The following RSF1 variants were observed in gnomAD, a reference collection of about 807,000 sequenced individuals.
The protein encoded by RSF1 is HBV pX-associated protein 8.
In RSF1, 13 loss-of-function variants were observed where a neutral mutation model predicts 145.2. The observed-to-expected ratio is 0.09, with a 90% CI of 0.06 to 0.14. The LOEUF is 0.14. RSF1 is among the 10% of genes least tolerant of loss of function. The pLI is 1.00. For synonymous variants in RSF1, 577 were observed against 592.6 expected, an observed-to-expected ratio of 0.97 and a Z score of 0.38; for missense variants, 1,517 against 1,718.2, an observed-to-expected ratio of 0.88 and a Z score of 2.07.
intron 1 of RSF1, among the ~76,000 whole-genome samples, chr11:77,796,169 C>A (rs1434324685): frequency 1.3e-5 from 2 of 152,070 alleles, no homozygotes; most frequent in African/African-American, 2.4e-5. Flanking sequence ...ATGAGGCCAG[C>A]ACCACCCTGA....
the RSF1 span, chr11:77,869,820 A>C: frequency 6.2e-7 from 1 of 1,613,216 alleles, no homozygotes; most frequent in African/African-American, 1.3e-5. Context: ...CCTTGAAGGT[A>C]GGTGTTGGTA....
At chr11:77,868,760 TC>T in the RSF1 span, 1 of 233,630 alleles carries the variant, frequency 4.3e-6, no homozygotes, top group Admixed American at 4.2e-5. Flanking sequence ...TCAGGCTCCT[TC>T]CCACTGGTTC....
chr11:77,842,765 C>T, the RSF1 span: 2 of 1,229,524 alleles, frequency 1.6e-6, no homozygotes, highest in Admixed American at 2.8e-5. Context: ...TAAATTCACC[C>T]TTTTAAAGTA....
intron 4 of RSF1, among the ~76,000 whole-genome samples, chr11:77,731,219 T>C (rs188978073): frequency 6.5e-4 from 99 of 152,278 alleles, no homozygotes; most frequent in Admixed American, 9.2e-4. Context: ...TGAGTTTTGT[T>C]ACGTTTTAGC....
At chr11:77,716,649 C>T (rs1252729970) in intron 5 of RSF1, among the ~76,000 whole-genome samples, 2 of 151,892 alleles carry the variant, frequency 1.3e-5, no homozygotes, top group Non-Finnish European at 2.9e-5. Flanking sequence ...TAAAAACTTT[C>T]AGTTACGAAG....
intron 5 of RSF1, among the ~76,000 whole-genome samples, chr11:77,706,512 A>G (rs1223022841): frequency 6.6e-6 from 1 of 152,062 alleles, no homozygotes; most frequent in South Asian, 2.1e-4. Context: ...GCTATTATTA[A>G]TTATTTGGCC....
intron 6 of RSF1, 102 bp from the exon 7 acceptor site, chr11:77,698,795 CA>C (rs1337275976): frequency 4.3e-6 from 4 of 938,844 alleles, no homozygotes; most frequent in Admixed American, 2.3e-5. Flanking sequence ...GCCAATATAC[CA>C]AAAAAAGAGG....
intron 10 of RSF1, 126 bp from the exon 11 acceptor site, chr11:77,683,945 C>T (rs1959936164): frequency 3.2e-6 from 2 of 632,208 alleles, no homozygotes; most frequent in African/African-American, 1.8e-5. Flanking sequence ...TTGAGATGAT[C>T]CCCTCCAAAA....
chr11:77,860,003 T>C, the RSF1 span, among the ~76,000 whole-genome samples: 1 of 152,254 alleles, frequency 6.6e-6, no homozygotes, highest in Non-Finnish European at 1.5e-5. Context: ...CTGCTATTGC[T>C]GCCATTACCC....
chr11:77,774,615 A>C (rs1187665011), intron 1 of RSF1, among the ~76,000 whole-genome samples: 2 of 139,236 alleles, frequency 1.4e-5, no homozygotes, highest in African/African-American at 5.3e-5. Flanking sequence ...TAAATAAATA[A>C]ATAAAATAAA....
chr11:77,661,103 G>A lies in RSF1; in HGVS notation c.*5814C>T, dbSNP rs1959227596. 6.6e-6 allele frequency: 1 copy of A among 152,090 alleles called. No homozygotes were observed. Among genetic ancestry groups the A allele is most frequent in the Non-Finnish European group, 1.5e-5 (1 of 67,998 alleles). The allele number at this position is 152,090 out of a possible 1,614,324, so 9.4% of individuals were successfully genotyped here. A position where few individuals can be genotyped will look rare whatever the true frequency, so the allele number is the denominator to read the frequency against. On this transcript the variant is annotated 3_prime_UTR_variant, in exon 16 of 16. Coordinates refer to ENST00000308488, the MANE Select transcript of RSF1 (RefSeq NM_016578.4). ...CGCTTCAGCAGACAACTATTCCTGT[G>A]GAATTAAGTCCACTGAATAACCAAA...
intron 2 of RSF1, among the ~76,000 whole-genome samples, chr11:77,751,091 A>C (rs1049348403): frequency 6.6e-6 from 1 of 152,124 alleles, no homozygotes; most frequent in African/African-American, 2.4e-5. Context: ...TGAGGATGGA[A>C]AATGTTGGGC....
At chr11:77,737,672 A>G (rs1432438951) in intron 4 of RSF1, among the ~76,000 whole-genome samples, 1 of 108,344 alleles carries the variant, frequency 9.2e-6, no homozygotes, top group Admixed American at 9.2e-5. Context: ...GTGTGTTTAA[A>G]AAGAGCAGAA....
chr11:77,848,948 GC>G, the RSF1 span, among the ~76,000 whole-genome samples: 2 of 151,892 alleles, frequency 1.3e-5, no homozygotes, highest in African/African-American at 4.8e-5. Flanking sequence ...GTGCCACAAT[GC>G]CTGGCTAATT....
intron 1 of RSF1, among the ~76,000 whole-genome samples, chr11:77,768,161 C>T (rs1401037240): frequency 1.3e-4 from 16 of 122,780 alleles, no homozygotes; most frequent in South Asian, 2.6e-4. Context: ...ATATTATCAG[C>T]TTTTTTTTTT....
intron 5 of RSF1, among the ~76,000 whole-genome samples, chr11:77,712,025 G>A (rs987393823): frequency 2.0e-5 from 3 of 152,118 alleles, no homozygotes; most frequent in African/African-American, 7.2e-5. Flanking sequence ...ACAATCTAAT[G>A]TGGAATTTTT....
Position 77,667,254 on chromosome 11 carries a change from A to C in RSF1, c.3989T>G (p.Leu1330Arg). 6.2e-7 allele frequency: 1 copy of C among 1,614,186 alleles called. No individual in the cohort carries two copies. Among genetic ancestry groups the C allele is most frequent in the Non-Finnish European group, 8.5e-7 (1 of 1,180,016 alleles). The stretch of plus-strand genomic sequence containing the variant: ...CTTGGTGCTCTCTTGTTCTGAGGGC[A>C]GGACCCTAGGCTGGCTGTCACGGGC... ...QPARDSQPRV[L>R]PSEQESTKKP... The change falls in exon 16 of 16, where the codon CTG becomes CGG. Residue 1330 changes from leucine to arginine, a missense_variant. Transcript: ENST00000308488.
At chr11:77,771,347 C>T (rs1948283493) in intron 1 of RSF1, among the ~76,000 whole-genome samples, 1 of 152,102 alleles carries the variant, frequency 6.6e-6, no homozygotes, top group African/African-American at 2.4e-5. Flanking sequence ...ATAAAGATGA[C>T]ACCGTAAAGA....
intron 11 of RSF1, 75 bp from the exon 12 acceptor site, chr11:77,678,228 T>G (rs192701061): frequency 1.2e-6 from 1 of 863,120 alleles, no homozygotes; most frequent in East Asian, 3.1e-5. Context: ...TTTTATTTAT[T>G]TATTTTTGAG....
Sources: allele counts gnomAD v4.1 joint callset (sites outside exome capture counted in the v4.1 genomes callset), GRCh38; gene constraint gnomAD v4.1.1; transcripts MANE v1.5; gene names NCBI Gene and HGNC (gene_info 2026-07-23, HGNC 2026-07-21).